Variants in WDHD1 observed in about 807,000 individuals in gnomAD.
WDHD1 encodes WD repeat and HMG-box DNA binding protein 1, also known as WD repeat and HMG-box DNA-binding protein 1.
In WDHD1, 111 loss-of-function variants were observed where a neutral mutation model predicts 135.4. The observed-to-expected ratio is 0.82, with a 90% CI of 0.70 to 0.96. WDHD1 has a LOEUF of 0.96. Among genes scored for constraint, WDHD1 ranks in the 40% least tolerant of loss-of-function variants. The probability of loss-of-function intolerance (pLI) is 0.00; values close to 1 mark genes in which losing one functional copy is unlikely to be tolerated. For missense variants in WDHD1, 1,351 were observed against 1,336.3 expected, an observed-to-expected ratio of 1.01 and a Z score of -0.17; for synonymous variants, 434 against 439.0, an observed-to-expected ratio of 0.99 and a Z score of 0.14.
intron 11 of WDHD1, among the ~76,000 whole-genome samples, chr14:54,994,509 A>G (rs2041845544): frequency 6.6e-6 from 1 of 152,206 alleles, no homozygotes; most frequent in Non-Finnish European, 1.5e-5. Flanking sequence ...CATGTACTCA[A>G]TATAAAAAAT....
chr14:54,996,778 A>C (rs2041886556), intron 10 of WDHD1, among the ~76,000 whole-genome samples: 2 of 152,114 alleles, frequency 1.3e-5, no homozygotes, highest in African/African-American at 2.4e-5. Flanking sequence ...ATTACATCAT[A>C]AACTTTTTAT....
chr14:55,008,191 A>G (rs2042104332), intron 6 of WDHD1, 125 bp downstream of exon 6: 5 of 898,878 alleles, frequency 5.6e-6, no homozygotes, highest in Admixed American at 5.1e-5. Context: ...CAAAAACAGT[A>G]TTTAATGGTA....
intron 25 of WDHD1, 81 bp from the exon 26 acceptor site, chr14:54,941,771 G>A (rs1484287106): frequency 3.2e-6 from 4 of 1,248,314 alleles, no homozygotes; most frequent in East Asian, 5.1e-5. Context: ...TACTTTTCCA[G>A]GTAATATTTT....
Position 54,941,367 on chromosome 14 carries a change from A to C in WDHD1, c.*123T>G, listed in dbSNP as rs1232780770. 1 of 780,412 alleles carries C rather than the reference A, an allele frequency of 1.3e-6. No individual in the cohort carries two copies. The highest frequency in any genetic ancestry group is 1.9e-6 in the Non-Finnish European group (1 of 517,476). 48.3% of individuals were successfully genotyped at this position (780,412 alleles called of 1,614,324 possible). ...ATATAATTACTACATTATCTTATAAAGACAAACAGTTGCTTCAAACTCTTT... is the reference window on the plus strand; with the variant it reads ...ATATAATTACTACATTATCTTATAACGACAAACAGTTGCTTCAAACTCTTT... On this transcript the variant is annotated 3_prime_UTR_variant, in exon 26 of 26. Transcript: ENST00000360586.
intron 4 of WDHD1, 57 bp downstream of exon 4, chr14:55,010,252 A>T (rs75484710): frequency 0.032 from 45,833 of 1,431,226 alleles, 897 homozygotes; most frequent in South Asian, 0.042. Context: ...CCTGAAACAA[A>T]TAAACAAGGC....
At chr14:54,974,646 C>T (rs919687057) in intron 16 of WDHD1, among the ~76,000 whole-genome samples, 9 of 151,800 alleles carry the variant, frequency 5.9e-5, no homozygotes, top group East Asian at 5.8e-4. Flanking sequence ...GGCAACCTGG[C>T]GAAACACTGT....
At chr14:54,970,426 A>G (rs2140176751) in intron 16 of WDHD1, among the ~76,000 whole-genome samples, 1 of 152,278 alleles carries the variant, frequency 6.6e-6, no homozygotes, top group South Asian at 2.1e-4. Flanking sequence ...ATACATGTAC[A>G]TAAAATACCT....
At chr14:55,007,924 A>T (rs969515533) in intron 6 of WDHD1, among the ~76,000 whole-genome samples, 6 of 152,170 alleles carry the variant, frequency 3.9e-5, no homozygotes, top group Non-Finnish European at 7.4e-5. Context: ...TAAAACCTTT[A>T]TTAGGCTGCA....
At position 55,002,152 on chromosome 14, in the gene WDHD1, G is replaced by A. The variant is rs755405003; in HGVS notation, c.634C>T (p.Leu212=). The change falls in exon 8 of 26, where the codon CTA becomes TTA. Residue 212 remains leucine, a synonymous_variant. Coordinates refer to ENST00000360586, the MANE Select transcript of WDHD1 (RefSeq NM_007086.4). ...LAIPVEKSVK[L]YRRESWSHQF... ...TGACTCCAAGATTCTCTTCTATATA[G>A]CTTAACAGATTTTTCCACAGGAATT... is the stretch of plus-strand genomic sequence containing the variant. The A allele has an allele frequency of 1.9e-6, 3 of 1,603,266 alleles. No individual in the cohort carries two copies. The African/African-American group carries it at 4.0e-5, about 22-fold the overall frequency.
intron 2 of WDHD1, among the ~76,000 whole-genome samples, chr14:55,015,396 A>G (rs1355097430): frequency 6.6e-6 from 1 of 150,760 alleles, no homozygotes; most frequent in African/African-American, 2.4e-5. Context: ...AAAAAAAAAA[A>G]AAAAAAAAAG....
intron 11 of WDHD1, 35 bp from the exon 12 acceptor site, chr14:54,991,435 G>A (rs372509813): frequency 8.3e-5 from 130 of 1,575,506 alleles, no homozygotes; most frequent in South Asian, 2.5e-4. Flanking sequence ...AGGGAATCAC[G>A]AATACCAATG....
chr14:54,998,741 T>C (rs1489039210), intron 10 of WDHD1, among the ~76,000 whole-genome samples: 1 of 152,164 alleles, frequency 6.6e-6, no homozygotes, highest in Admixed American at 6.5e-5. Flanking sequence ...CATGCTTGCA[T>C]GTACACTACT....
Position 55,010,446 on chromosome 14 carries a change from G to A in WDHD1, c.204C>T (p.Val68=), listed in dbSNP as rs529469163. The A allele has an allele frequency of 7.6e-6, 12 of 1,581,738 alleles. No homozygotes were observed. The African/African-American group carries it at 1.5e-4, about 20-fold the overall frequency. ...GAATAGTATTATTAGAAACTGCAGTGACCAGTTTTCCACTCTAAAAGAAAA... is the reference window on the plus strand; with the variant it reads ...GAATAGTATTATTAGAAACTGCAGTAACCAGTTTTCCACTCTAAAAGAAAA... ...YSCALKSGKL[V]TAVSNNTIQV... The change falls in exon 4 of 26, where the codon GTC becomes GTT. Residue 68 remains valine (V), a synonymous_variant. Transcript: ENST00000360586.
rs189249959 is a variant in WDHD1 at position 55,019,727 on chromosome 14, G to A, written c.78-6131C>T. Among the ~76,000 whole-genome samples, 47 of 152,230 alleles carry A rather than the reference G, an allele frequency of 3.1e-4. No individual in the cohort carries two copies. The East Asian group carries it at 7.9e-3, about 26-fold the overall frequency. On this transcript the variant is annotated intron_variant, in intron 2 of 25. Coordinates refer to ENST00000360586, the MANE Select transcript of WDHD1 (RefSeq NM_007086.4). ...CTACTAAAAATACAAAAATTAGCCAGCTGTTGCGGAGGGCATCTGTGATCC... is the reference window on the plus strand; with the variant it reads ...CTACTAAAAATACAAAAATTAGCCAACTGTTGCGGAGGGCATCTGTGATCC...
chr14:54,947,567 G>C (rs766388960), intron 24 of WDHD1, among the ~76,000 whole-genome samples: 1 of 152,016 alleles, frequency 6.6e-6, no homozygotes, highest in Non-Finnish European at 1.5e-5. Context: ...ATATATTATG[G>C]TAAAAATGAA....
intron 16 of WDHD1, among the ~76,000 whole-genome samples, chr14:54,972,715 G>A (rs1367949683): frequency 1.3e-5 from 2 of 151,662 alleles, no homozygotes; most frequent in Non-Finnish European, 2.9e-5. Context: ...AGATATTCAG[G>A]AGGCTGAGAC....
At chr14:55,006,452 G>C (rs1442512687) in intron 7 of WDHD1, among the ~76,000 whole-genome samples, 1 of 151,910 alleles carries the variant, frequency 6.6e-6, no homozygotes, top group African/African-American at 2.4e-5. Context: ...TCCTGTATTT[G>C]TATAACAATC....
chr14:55,019,678 G>C (rs2042313742), intron 2 of WDHD1, among the ~76,000 whole-genome samples: 1 of 152,146 alleles, frequency 6.6e-6, no homozygotes, highest in Admixed American at 6.5e-5. Flanking sequence ...AGACTAGCCT[G>C]GCCAACATGA....
At chr14:54,986,548 G>C (rs1334017281) in intron 14 of WDHD1, among the ~76,000 whole-genome samples, 1 of 152,076 alleles carries the variant, frequency 6.6e-6, no homozygotes, top group Non-Finnish European at 1.5e-5. Flanking sequence ...CCCTGACCTA[G>C]AGAGTAGTAG....
Sources: allele counts gnomAD v4.1 joint callset (sites outside exome capture counted in the v4.1 genomes callset), GRCh38; gene constraint gnomAD v4.1.1; transcripts MANE v1.5; gene names NCBI Gene and HGNC (gene_info 2026-07-23, HGNC 2026-07-21).